SMARCA4: variants seen among roughly 807,000 people sequenced by gnomAD.
SMARCA4 encodes SWI/SNF-related matrix-associated actin-dependent regulator of chromatin subfamily A member 4.
In SMARCA4, 31 loss-of-function variants were observed where a neutral mutation model predicts 193.9. That is an observed-to-expected ratio of 0.16 (90% confidence interval 0.12 to 0.22). SMARCA4 has a LOEUF of 0.22. Ranked by LOEUF, SMARCA4 falls within the 10% of genes least tolerant of loss-of-function variation. The probability of loss-of-function intolerance (pLI) is 1.00; values close to 1 mark genes in which losing one functional copy is unlikely to be tolerated. For synonymous variants in SMARCA4, 942 were observed against 933.1 expected, an observed-to-expected ratio of 1.01 and a Z score of -0.17; for missense variants, 1,148 against 2,296.0, an observed-to-expected ratio of 0.50 and a Z score of 10.22.
intron 15 of SMARCA4, chr19:11,012,691 A>T: frequency 1.9e-6 from 1 of 518,292 alleles, no homozygotes. Flanking sequence ...AGCTGTTGAG[A>T]TGTGTATTAG....
chr19:11,048,069 A>G (rs1308703752), intron 30 of SMARCA4, among the ~76,000 whole-genome samples: 1 of 152,152 alleles, frequency 6.6e-6, no homozygotes, highest in Non-Finnish European at 1.5e-5. Context: ...GGTGGTGCTC[A>G]TGTCACTCGG....
chr19:11,051,897 A>G (rs1225890732), intron 30 of SMARCA4, among the ~76,000 whole-genome samples: 2 of 152,118 alleles, frequency 1.3e-5, no homozygotes, highest in African/African-American at 4.8e-5. Context: ...GGAGTTCAAG[A>G]CCAGCCTGAC....
chr19:10,968,797 A>G (rs992215708), intron 1 of SMARCA4, among the ~76,000 whole-genome samples: 1 of 152,138 alleles, frequency 6.6e-6, no homozygotes, highest in Admixed American at 6.5e-5. Flanking sequence ...TCTTGCTCCG[A>G]AAGTCCCAGT....
At position 11,007,140 on chromosome 19, in the gene SMARCA4, C is replaced by T. The variant is rs117302066; in HGVS notation, c.2002-762C>T. Among the ~76,000 whole-genome samples the T allele has an allele frequency of 5.0e-4, 76 of 151,520 alleles. 1 individual carries two copies. In the East Asian group the frequency reaches 0.013, roughly 25 times the overall value. ...GAATCTGTGGTGGGGAAACCAAAAACGGTTTACTGGGCTGGGTGCGGTGGC... is the reference window on the plus strand; with the variant it reads ...GAATCTGTGGTGGGGAAACCAAAAATGGTTTACTGGGCTGGGTGCGGTGGC... On this transcript the variant is annotated intron_variant, in intron 13 of 34. Coordinates refer to ENST00000344626, the MANE Select transcript of SMARCA4 (RefSeq NM_003072.5).
At chr19:11,025,058 C>T (rs2090154548) in intron 21 of SMARCA4, among the ~76,000 whole-genome samples, 2 of 151,452 alleles carry the variant, frequency 1.3e-5, no homozygotes, top group South Asian at 2.1e-4. Context: ...CGGCTGAGGC[C>T]CTCTTGCCCA....
intron 25 of SMARCA4, among the ~76,000 whole-genome samples, chr19:11,032,903 C>T (rs1319592768): frequency 1.3e-5 from 2 of 152,222 alleles, no homozygotes; most frequent in Non-Finnish European, 2.9e-5. Context: ...AGCACTGCCA[C>T]AACACGGCCG....
At chr19:10,962,715 G>T (rs1319193224) in intron 1 of SMARCA4, among the ~76,000 whole-genome samples, 1 of 152,026 alleles carries the variant, frequency 6.6e-6, no homozygotes, top group African/African-American at 2.4e-5. Context: ...GCTAATTTTT[G>T]TATTTTTAGT....
rs1307434805 is a variant in SMARCA4 at position 10,984,329 on chromosome 19, G to A, written c.178G>A (p.Gly60Arg). 3 of 1,600,920 alleles carry A rather than the reference G, an allele frequency of 1.9e-6. No individual in the cohort carries two copies. The highest frequency in any genetic ancestry group is 2.6e-6 in the Non-Finnish European group (3 of 1,174,078). ...PSAGHPIPTQ[G>R]PGGYPQDNMH... is the part of the protein sequence containing the mutation. ...AGCAGGACACCCCATCCCCACCCAG[G>A]GGCCTGGAGGGTACCCTCAGGACAA... The change falls in exon 2 of 35, where the codon GGG becomes AGG. Residue 60 changes from glycine to arginine, a missense_variant. By Grantham distance (125) the Gly-to-Arg change is moderately radical. Around this residue, in one of 17 missense-constraint regions of SMARCA4, gnomAD observed 201 missense variants for 248.3 expected, o/e 0.81. Coordinates refer to ENST00000344626, the MANE Select transcript of SMARCA4 (RefSeq NM_003072.5). The surrounding 1 kb of genome is among the most constrained non-coding windows in gnomAD (Gnocchi z 4.3).
At chr19:11,045,419 A>C (rs897049970) in intron 30 of SMARCA4, among the ~76,000 whole-genome samples, 2 of 152,132 alleles carry the variant, frequency 1.3e-5, no homozygotes, top group Non-Finnish European at 2.9e-5. Flanking sequence ...GAGAGAGGGA[A>C]TAGCAGGAAA....
rs759914407 is a variant in SMARCA4 at position 10,991,241 on chromosome 19, C to A, written c.1337C>A (p.Ser446Tyr). 6.2e-7 allele frequency: 1 copy of A among 1,613,450 alleles called. No individual in the cohort carries two copies. The highest frequency in any genetic ancestry group is 1.1e-5 in the South Asian group (1 of 90,910). Residue 446 changes from serine (S) to tyrosine (Y), a missense_variant, in exon 8 of 35, where the codon TCC (serine) becomes TAC (tyrosine). By Grantham distance (144) the Ser-to-Tyr change is moderately radical (BLOSUM62 -2). Coordinates refer to ENST00000344626, the MANE Select transcript of SMARCA4 (RefSeq NM_003072.5). ...AKAYKRSKRQ[S>Y]LREARITEKL... ...GCCTACAAGCGCAGCAAGCGCCAGT[C>A]CCTGCGCGAGGCCCGCATCACTGAG... is the stretch of plus-strand genomic sequence containing the variant.
Position 11,041,981 on chromosome 19 carries a change from G to A in SMARCA4, c.4424+421G>A, listed in dbSNP as rs1031878679. On this transcript the variant is annotated intron_variant, in intron 30 of 34. Coordinates refer to ENST00000344626, the MANE Select transcript of SMARCA4 (RefSeq NM_003072.5). The surrounding 1 kb of genome is among the most constrained non-coding windows in gnomAD (Gnocchi z 5.6). The stretch of plus-strand genomic sequence containing the variant: ...TGGCAGTAATGGGTGCTGCCCGTGT[G>A]GCCAGGAGGTTGGGGACAAGAGGCT... 6.6e-5 allele frequency among the ~76,000 whole-genome samples: 10 copies of A among 152,178 alleles called. No individual in the cohort carries two copies. Among genetic ancestry groups the A allele is most frequent in the Non-Finnish European group, 1.3e-4 (9 of 68,028 alleles).
Position 11,033,593 on chromosome 19 carries a change from T to C in SMARCA4, c.3774+76T>C. The C allele has an allele frequency of 9.9e-6, 12 of 1,213,314 alleles. No individual in the cohort carries two copies. Among genetic ancestry groups the C allele is most frequent in the Non-Finnish European group, 3.7e-6 (3 of 818,366 alleles). The allele number at this position is 1,213,314 out of a possible 1,614,324, so 75.2% of individuals were successfully genotyped here. ...TGAGCGGCTTTCATTTTTGTTTTTTTACCTTTTTTGCACTCTTATTTTTTT... is the reference window on the plus strand; with the variant it reads ...TGAGCGGCTTTCATTTTTGTTTTTTCACCTTTTTTGCACTCTTATTTTTTT... On this transcript the variant is annotated intron_variant, in intron 26 of 34. Coordinates refer to ENST00000344626, the MANE Select transcript of SMARCA4 (RefSeq NM_003072.5). This position sits in a 1 kb window ranked among gnomAD's most constrained non-coding sequence, Gnocchi z 9.8.
chr19:11,015,993 A>C (rs1021974009), intron 16 of SMARCA4: 6 of 152,130 alleles, frequency 3.9e-5, no homozygotes. Context: ...CCTGGGCAAC[A>C]AGAATGAAAC....
Position 11,062,000 on chromosome 19 carries a change from G to T in SMARCA4, c.*184G>T, listed in dbSNP as rs943748782. ...ACTGTTTGTGACTGGCCCTGTCCTG[G>T]CATCAGTAGCATCTGTAACAGCATT... On this transcript the variant is annotated 3_prime_UTR_variant, in exon 35 of 35. Transcript: ENST00000344626. The T allele has an allele frequency of 1.1e-5, 7 of 646,502 alleles. No individual in the cohort carries two copies. The highest frequency in any genetic ancestry group is 3.6e-5 in the African/African-American group (2 of 55,668). 40.0% of individuals were successfully genotyped at this position (646,502 alleles called of 1,614,324 possible).
At position 10,998,503 on chromosome 19, in the gene SMARCA4, C is replaced by CTT. The variant is rs60264578; in HGVS notation, c.1812+1973_1812+1974dup. On this transcript the variant is annotated intron_variant, in intron 11 of 34. Transcript: ENST00000344626. ...GAATTCCAGCTACTCCTTTTAGTAT[C>CTT]TTTTTTTTTTTTTTTGCCTGTATCA... is the stretch of plus-strand genomic sequence containing the variant. 1.4e-3 allele frequency among the ~76,000 whole-genome samples: 193 copies of CTT among 138,000 alleles called. 4 individuals carry two copies. The highest frequency in any genetic ancestry group is 4.4e-3 in the African/African-American group (166 of 37,586). 90.5% of individuals were successfully genotyped at this position (138,000 alleles called of 152,430 possible). A position where few individuals can be genotyped will look rare whatever the true frequency, so the allele number is the denominator to read the frequency against.
chr19:11,046,542 TAAAG>T (rs1312501355), intron 30 of SMARCA4, among the ~76,000 whole-genome samples: 6 of 152,148 alleles, frequency 3.9e-5, no homozygotes, highest in African/African-American at 7.2e-5. Context: ...AGATGACTAT[TAAAG>T]AAAGCCTCCT....
intron 1 of SMARCA4, among the ~76,000 whole-genome samples, chr19:10,961,885 C>T (rs2083836672): frequency 6.6e-6 from 1 of 151,910 alleles, no homozygotes; most frequent in African/African-American, 2.4e-5. Context: ...TTCTCCTTCC[C>T]AATTGGTTTT....
intron 13 of SMARCA4, 46 bp from the exon 14 acceptor site, chr19:11,007,856 C>T (rs765342749): frequency 5.0e-6 from 8 of 1,609,028 alleles, no homozygotes; most frequent in Non-Finnish European, 5.1e-6. Flanking sequence ...CCCGTCCCCC[C>T]TCTCTGGGGG....
chr19:11,046,147 C>T (rs1016967381), intron 30 of SMARCA4, among the ~76,000 whole-genome samples: 11 of 150,836 alleles, frequency 7.3e-5, no homozygotes, highest in South Asian at 2.1e-4. Context: ...GGCGTGAACC[C>T]GGGAGGCAGA....
Sources: gnomAD v4.1 joint callset for allele counts (sites outside exome capture counted in the v4.1 genomes callset) on GRCh38, gnomAD v4.1.1 for gene constraint, gnomAD v4.1.1 regional missense constraint, Gnocchi (gnomAD v3.1) non-coding constraint, MANE v1.5 for transcripts, NCBI Gene and HGNC (gene_info 2026-07-23, HGNC 2026-07-21) for gene names.